The following SUPT3H variants were observed in gnomAD, a reference collection of about 807,000 sequenced individuals.
The protein encoded by SUPT3H is SPT3 homolog, SAGA and STAGA complex component, also known as transcription initiation protein SPT3 homolog.
A neutral mutation model predicts 44.3 loss-of-function variants in SUPT3H; 44 were observed. The ratio of observed to expected loss-of-function variants is 0.99; its 90% CI spans 0.78 to 1.28. SUPT3H has a LOEUF of 1.28. SUPT3H is among the 50% of genes most tolerant of loss of function. The pLI is 0.00. For missense variants in SUPT3H, 380 were observed against 387.1 expected, an observed-to-expected ratio of 0.98 and a Z score of 0.15; for synonymous variants, 124 against 125.6, an observed-to-expected ratio of 0.99 and a Z score of 0.09.
At chr6:44,857,129 T>C (rs1773872991) in intron 10 of SUPT3H, among the ~76,000 whole-genome samples, 1 of 152,184 alleles carries the variant, frequency 6.6e-6, no homozygotes, top group African/African-American at 2.4e-5. Flanking sequence ...TATTAATTGG[T>C]AAATTTTCTT....
At chr6:45,274,571 C>G (rs977690479) in intron 2 of SUPT3H, among the ~76,000 whole-genome samples, 2 of 152,180 alleles carry the variant, frequency 1.3e-5, no homozygotes, top group Non-Finnish European at 2.9e-5. Context: ...TGAATTATTT[C>G]AGAACCTTTA....
intron 2 of SUPT3H, among the ~76,000 whole-genome samples, chr6:45,224,114 A>G (rs1411901272): frequency 6.6e-6 from 1 of 151,076 alleles, no homozygotes; most frequent in Non-Finnish European, 1.5e-5. Context: ...GAATTCACTC[A>G]CAGGATTGAA....
intron 2 of SUPT3H, among the ~76,000 whole-genome samples, chr6:45,166,431 T>C (rs1229716948): frequency 1.3e-5 from 2 of 151,382 alleles, no homozygotes; most frequent in Non-Finnish European, 2.9e-5. Context: ...TACTAAAAAA[T>C]ACAAAAAATT....
At chr6:45,270,167 T>A (rs935193985) in intron 2 of SUPT3H, among the ~76,000 whole-genome samples, 1 of 152,162 alleles carries the variant, frequency 6.6e-6, no homozygotes, top group Admixed American at 6.5e-5. Flanking sequence ...ATGTTCAACA[T>A]AAGCTCCATC....
chr6:44,882,915 C>G (rs1303450945), intron 10 of SUPT3H, among the ~76,000 whole-genome samples: 1 of 152,142 alleles, frequency 6.6e-6, no homozygotes, highest in Non-Finnish European at 1.5e-5. Flanking sequence ...TATGACAAAT[C>G]CACAGCCAAT....
intron 2 of SUPT3H, among the ~76,000 whole-genome samples, chr6:45,214,989 C>T (rs1175018843): frequency 1.3e-5 from 2 of 152,098 alleles, no homozygotes; most frequent in Non-Finnish European, 1.5e-5. Context: ...CAACCTACCC[C>T]GTGGCTCCTA....
At chr6:44,975,169 T>TCAAACAAACAAACAAA (rs112143344) in intron 6 of SUPT3H, among the ~76,000 whole-genome samples, 14 of 150,748 alleles carry the variant, frequency 9.3e-5, no homozygotes, top group African/African-American at 2.9e-4. Context: ...AGACTCCATC[T>TCAAACAAACAAACAAA]CAAACAAACA....
intron 2 of SUPT3H, among the ~76,000 whole-genome samples, chr6:45,313,270 G>C (rs1218546123): frequency 6.7e-6 from 1 of 149,438 alleles, no homozygotes; most frequent in Non-Finnish European, 1.5e-5. Context: ...CCCAGTAGAA[G>C]AAAAAAAATA....
intron 2 of SUPT3H, among the ~76,000 whole-genome samples, chr6:45,178,041 A>G (rs2153611417): frequency 6.6e-6 from 1 of 152,272 alleles, no homozygotes; most frequent in Non-Finnish European, 1.5e-5. Context: ...CTAACATCAT[A>G]ATGACAGGAT....
intron 2 of SUPT3H, among the ~76,000 whole-genome samples, chr6:45,181,811 A>G (rs1435400872): frequency 6.6e-6 from 1 of 151,872 alleles, no homozygotes; most frequent in Non-Finnish European, 1.5e-5. Context: ...GTACATGTAT[A>G]CATATGTAAC....
intron 2 of SUPT3H, among the ~76,000 whole-genome samples, chr6:45,316,620 C>T (rs1190190016): frequency 6.6e-6 from 1 of 152,074 alleles, no homozygotes; most frequent in African/African-American, 2.4e-5. Context: ...AAATCAGTAT[C>T]ATTTCCATAC....
chr6:45,235,307 G>C (rs564158471), intron 2 of SUPT3H, among the ~76,000 whole-genome samples: 1 of 151,952 alleles, frequency 6.6e-6, no homozygotes, highest in Non-Finnish European at 1.5e-5. Flanking sequence ...TACTGATAAG[G>C]ACAATCTCCA....
intron 11 of SUPT3H, among the ~76,000 whole-genome samples, chr6:44,819,325 C>T (rs73448346): frequency 0.11 from 16,349 of 151,676 alleles, 1,361 homozygotes; most frequent in African/African-American, 0.22. Flanking sequence ...AGTGATGAGG[C>T]GGGGGAATCA....
At chr6:44,882,203 A>T (rs553783264) in intron 10 of SUPT3H, among the ~76,000 whole-genome samples, 1 of 152,350 alleles carries the variant, frequency 6.6e-6, no homozygotes, top group East Asian at 1.9e-4. Context: ...TAAAGGTGAT[A>T]TTACCACGGA....
At chr6:45,159,594 T>C (rs1808605142) in intron 2 of SUPT3H, 1 of 152,158 alleles carries the variant, frequency 6.6e-6, no homozygotes, top group South Asian at 2.1e-4. Context: ...CTACATAGTT[T>C]CTGAACAGTC....
At chr6:45,017,331 C>T (rs974814955) in intron 4 of SUPT3H, among the ~76,000 whole-genome samples, 8 of 150,344 alleles carry the variant, frequency 5.3e-5, no homozygotes, top group African/African-American at 1.7e-4. Context: ...TTTTGCTGTG[C>T]AGAAGCTCTT....
At chr6:45,276,214 AAC>A (rs1216595558) in intron 2 of SUPT3H, among the ~76,000 whole-genome samples, 2 of 152,188 alleles carry the variant, frequency 1.3e-5, no homozygotes, top group African/African-American at 4.8e-5. Context: ...TGTTTGAATA[AAC>A]ACACTCTGCA....
rs530809565 is a variant in SUPT3H at position 45,004,389 on chromosome 6, T to A, written c.365-597A>T. Reference sequence around the variant, plus strand: ...TTGTGAGATATCTGAATATATATATTTTTAAATTTGACAACTTAAGGTTAC... The same window carrying A: ...TTGTGAGATATCTGAATATATATATATTTAAATTTGACAACTTAAGGTTAC... On this transcript the variant is annotated intron_variant, in intron 5 of 10. Transcript: ENST00000371459. Among the ~76,000 whole-genome samples, 13 of 152,090 alleles carry A rather than the reference T, an allele frequency of 8.5e-5. No homozygotes were observed. The East Asian group carries it at 1.9e-3, about 23-fold the overall frequency.
intron 2 of SUPT3H, among the ~76,000 whole-genome samples, chr6:45,212,655 G>C (rs1310663552): frequency 6.6e-6 from 1 of 152,008 alleles, no homozygotes; most frequent in Non-Finnish European, 1.5e-5. Context: ...ATAGAATGTA[G>C]TACTAATCAC....
Sources: gnomAD v4.1 joint callset for allele counts (sites outside exome capture counted in the v4.1 genomes callset) on GRCh38, gnomAD v4.1.1 for gene constraint, MANE v1.5 for transcripts, NCBI Gene and HGNC (gene_info 2026-07-23, HGNC 2026-07-21) for gene names.